Variants in MRPL39 observed in about 807,000 individuals in gnomAD.
MRPL39 encodes the protein large ribosomal subunit protein mL39.
MRPL39 carries 35 observed loss-of-function variants against 44.5 expected under a neutral mutation model. The ratio of observed to expected loss-of-function variants is 0.79; its 90% CI spans 0.60 to 1.04. MRPL39 has a LOEUF of 1.04. MRPL39 is among the 50% of genes least tolerant of loss of function. The pLI is 0.00. For missense variants in MRPL39, 433 were observed against 413.5 expected, an observed-to-expected ratio of 1.05 and a Z score of -0.41; for synonymous variants, 139 against 136.1, an observed-to-expected ratio of 1.02 and a Z score of -0.15.
At position 25,592,960 on chromosome 21, in the gene MRPL39, C is replaced by A; in HGVS notation, c.773G>T (p.Gly258Val). 3 of 1,597,876 alleles carry A rather than the reference C, an allele frequency of 1.9e-6. No homozygotes were observed. The highest frequency in any genetic ancestry group is 1.7e-6 in the Non-Finnish European group (2 of 1,174,964). The stretch of plus-strand genomic sequence containing the variant: ...GCCCTCACTCACATCAATGAAGTCA[C>A]CTATTCTGATTGATTTAAAAATAAA... The part of the protein sequence containing the change: ...PERIVKLHRI[G>V]DFIDVSEGPL... Residue 258 changes from glycine to valine, a missense_variant, in exon 8 of 10, where the codon GGT becomes GTT. Coordinates refer to ENST00000352957, the MANE Select transcript of MRPL39 (RefSeq NM_017446.4).
intron 9 of MRPL39, chr21:25,587,593 TAACA>T (rs2031038173): frequency 1.1e-6 from 1 of 949,290 alleles, no homozygotes; most frequent in East Asian, 2.6e-5. Context: ...CTGAAAGGCT[TAACA>T]GACAGAAAAT....
At position 25,599,884 on chromosome 21, in the gene MRPL39, A is replaced by C. The variant is rs2031472341; in HGVS notation, c.521-18T>G. The C allele has an allele frequency of 6.2e-7, 1 of 1,602,316 alleles. No individual in the cohort carries two copies. The highest frequency in any genetic ancestry group is 1.1e-5 in the South Asian group (1 of 90,474). ...AGAAATTACTGTAAATCCAACCAAA[A>C]TAAAAAGCAAAGTCAAATCTGCCCC... On this transcript the variant is annotated intron_variant, in intron 4 of 9. Transcript: ENST00000352957.
In MRPL39 at chr21:25,593,961, G is replaced by A. The variant is rs1433757169; in HGVS notation, c.702-3C>T. 6.2e-7 allele frequency: 1 copy of A among 1,611,912 alleles called. No homozygotes were observed. The highest frequency in any genetic ancestry group is 1.1e-5 in the South Asian group (1 of 90,880). On this transcript the variant is annotated splice_polypyrimidine_tract_variant and splice_region_variant and intron_variant, in intron 6 of 9. Transcript: ENST00000352957. ...CTTCTATGAAATCTACTTTGTACCT[G>A]AAAAGCAGCAAAGAAAAAAACATTT...
chr21:25,601,461 A>G lies in MRPL39; in HGVS notation c.427T>C (p.Trp143Arg). 1 of 1,578,444 alleles carries G rather than the reference A, an allele frequency of 6.3e-7. No homozygotes were observed. The highest frequency in any genetic ancestry group is 2.3e-5 in the East Asian group (1 of 44,136). ...CDPGEVNKAY[W>R]RSCAMMMGCV... ...CCCATCATCATAGCACAGGAACGCC[A>G]ATATGCCTAGAAAAAAAATATACAT... Residue 143 changes from tryptophan (W) to arginine (R), a missense_variant, in exon 4 of 10, where the codon TGG becomes CGG. By Grantham distance (101) the Trp-to-Arg change is moderately radical. Coordinates refer to ENST00000352957, the MANE Select transcript of MRPL39 (RefSeq NM_017446.4).
intron 3 of MRPL39, among the ~76,000 whole-genome samples, chr21:25,601,743 T>C (rs1001257378): frequency 2.0e-5 from 3 of 152,352 alleles, no homozygotes; most frequent in African/African-American, 7.2e-5. Flanking sequence ...GATAGTTTTA[T>C]TACCTGAAAG....
At chr21:25,607,294 T>G in intron 1 of MRPL39, 109 bp downstream of exon 1, 22 of 1,206,014 alleles carry the variant, frequency 1.8e-5, no homozygotes, top group Non-Finnish European at 2.5e-5. Context: ...TAAGAAACCC[T>G]CCTCCTTCCT....
Position 25,592,903 on chromosome 21 carries a change from T to A in MRPL39, c.830A>T (p.Gln277Leu), listed in dbSNP as rs1347703726. 6.2e-7 allele frequency: 1 copy of A among 1,612,856 alleles called. No homozygotes were observed. The highest frequency in any genetic ancestry group is 1.7e-5 in the Admixed American group (1 of 60,014). ...PLIPRTSICF[Q>L]YEVSAVHNLQ... ...ATTGTGAACTGCTGATACTTCATAC[T>A]GGAAACAAATACTTGTTCTTGGAAT... The change falls in exon 8 of 10, where the codon CAG becomes CTG. Residue 277 changes from glutamine to leucine, a missense_variant. Transcript: ENST00000352957.
intron 3 of MRPL39, among the ~76,000 whole-genome samples, chr21:25,601,731 C>G (rs1248436265): frequency 1.3e-5 from 2 of 152,190 alleles, no homozygotes; most frequent in Non-Finnish European, 2.9e-5. Flanking sequence ...TCAACCCCGA[C>G]AGATAGTTTT....
chr21:25,587,663 G>A lies in MRPL39; in HGVS notation c.969+1172C>T, dbSNP rs763220932. On this transcript the variant is annotated intron_variant, in intron 9 of 9. Transcript: ENST00000352957. The stretch of plus-strand genomic sequence containing the variant: ...ATAGTATGTGGACATATACAATCAA[G>A]CACAAACTTATATGAATAATTATTT... The A allele has an allele frequency of 2.8e-5, 40 of 1,431,876 alleles. No homozygotes were observed. The East Asian group carries it at 6.4e-4, about 23-fold the overall frequency. The allele number at this position is 1,431,876 out of a possible 1,614,324, so 88.7% of individuals were successfully genotyped here. A position where few individuals can be genotyped will look rare whatever the true frequency, so the allele number is the denominator to read the frequency against.
intron 9 of MRPL39, 51 bp from the exon 10 acceptor site, chr21:25,585,805 C>A (rs1433691639): frequency 7.7e-7 from 1 of 1,291,702 alleles, no homozygotes; most frequent in African/African-American, 1.5e-5. Context: ...TTCAGTTTTA[C>A]CCTTCACCCA....
At chr21:25,603,644 G>C (rs2031582198) in intron 3 of MRPL39, 152 bp downstream of exon 3, 1 of 735,390 alleles carries the variant, frequency 1.4e-6, no homozygotes, top group Non-Finnish European at 2.1e-6. Flanking sequence ...AACTACAAAA[G>C]TGCCTAATCT....
chr21:25,589,825 C>G (rs930671617), intron 8 of MRPL39, among the ~76,000 whole-genome samples: 8 of 88,294 alleles, frequency 9.1e-5, no homozygotes, highest in African/African-American at 2.5e-4. Flanking sequence ...AAAACCATGC[C>G]TGACTCAGGC....
chr21:25,606,038 C>G (rs779808232), intron 2 of MRPL39, among the ~76,000 whole-genome samples: 33 of 152,200 alleles, frequency 2.2e-4, no homozygotes, highest in Middle Eastern at 3.2e-3. Context: ...TTGCAATACT[C>G]AGAGTACCCT....
chr21:25,587,806 T>A, intron 9 of MRPL39: 1 of 1,576,698 alleles, frequency 6.3e-7, no homozygotes, highest in Non-Finnish European at 8.7e-7. Flanking sequence ...AGAAAAACTA[T>A]CATGAAGAAA....
intron 9 of MRPL39, 113 bp downstream of exon 9, chr21:25,588,722 T>C (rs1027514651): frequency 2.0e-6 from 2 of 992,622 alleles, no homozygotes; most frequent in Non-Finnish European, 1.5e-6. Context: ...TGAGACAACT[T>C]ACTTTTTTCC....
intron 8 of MRPL39, 23 bp downstream of exon 8, chr21:25,592,789 C>G: frequency 1.3e-6 from 2 of 1,549,750 alleles, no homozygotes; most frequent in African/African-American, 1.4e-5. Context: ...ATTGGAAGAC[C>G]TAGAACTTTA....
chr21:25,586,600 A>G (rs2123219671), intron 9 of MRPL39, among the ~76,000 whole-genome samples: 1 of 152,266 alleles, frequency 6.6e-6, no homozygotes, highest in East Asian at 1.9e-4. Flanking sequence ...ACAACACGGG[A>G]CACAAGCCCC....
chr21:25,595,424 C>G (rs182201483), intron 6 of MRPL39, among the ~76,000 whole-genome samples: 220 of 152,322 alleles, frequency 1.4e-3, no homozygotes, highest in African/African-American at 5.0e-3. Flanking sequence ...TCCTATCAAG[C>G]TTCCTCCAGA....
intron 9 of MRPL39, among the ~76,000 whole-genome samples, chr21:25,587,993 A>C (rs1171670632): frequency 2.0e-5 from 3 of 152,172 alleles, no homozygotes; most frequent in Non-Finnish European, 4.4e-5. Context: ...TGAAATAGGA[A>C]ACAGGAATAG....
Sources: allele counts gnomAD v4.1 joint callset (sites outside exome capture counted in the v4.1 genomes callset), GRCh38; gene constraint gnomAD v4.1.1; transcripts MANE v1.5; gene names NCBI Gene and HGNC (gene_info 2026-07-23, HGNC 2026-07-21).